ANK2: variants seen among roughly 807,000 people sequenced by gnomAD.
The protein encoded by ANK2 is ankyrin 2, also known as ankyrin-2.
Under a neutral mutation model 360.5 loss-of-function variants are expected in ANK2, and 83 were observed. That is an observed-to-expected ratio of 0.23 (90% CI 0.19 to 0.28). ANK2 has a LOEUF of 0.28. ANK2 is among the 10% of genes least tolerant of loss of function. ANK2 has a pLI of 1.00. For missense variants in ANK2, 4,201 were observed against 4,795.7 expected, an observed-to-expected ratio of 0.88 and a Z score of 3.66; for synonymous variants, 1,740 against 1,759.5, an observed-to-expected ratio of 0.99 and a Z score of 0.28.
intron 2 of ANK2, among the ~76,000 whole-genome samples, chr4:112,925,035 T>C (rs2092342606): frequency 6.6e-6 from 1 of 152,056 alleles, no homozygotes; most frequent in South Asian, 2.1e-4. Flanking sequence ...AGACGAGGTT[T>C]CATCGTGTTA....
the ANK2 span, among the ~76,000 whole-genome samples, chr4:112,777,774 C>T: frequency 1.3e-5 from 2 of 151,430 alleles, no homozygotes; most frequent in Non-Finnish European, 2.9e-5. Context: ...TGTGTCACCA[C>T]ACCCGGCTAA....
At chr4:112,914,712 T>C (rs893908113) in intron 2 of ANK2, among the ~76,000 whole-genome samples, 2 of 152,318 alleles carry the variant, frequency 1.3e-5, no homozygotes, top group East Asian at 3.9e-4. Flanking sequence ...ACCCAGCCCA[T>C]GTGGCTTCAT....
chr4:112,755,687 AT>A, the ANK2 span: 1 of 171,370 alleles, frequency 5.8e-6, no homozygotes, highest in African/African-American at 2.4e-5. Context: ...TCTTTTGTGG[AT>A]CTTCAGTTGC....
intron 2 of ANK2, among the ~76,000 whole-genome samples, chr4:113,189,316 G>A (rs919641978): frequency 6.6e-6 from 1 of 152,142 alleles, no homozygotes; most frequent in Admixed American, 6.5e-5. Flanking sequence ...TTCCCACAGA[G>A]TCCAGCATGC....
At position 112,867,317 on chromosome 4, in the gene ANK2, A is replaced by T. The variant is rs2070985799; in HGVS notation, c.-39-37138A>T. Among the ~76,000 whole-genome samples the T allele has an allele frequency of 2.0e-5, 3 of 152,036 alleles. No individual in the cohort carries two copies. In the South Asian group the frequency reaches 6.2e-4, roughly 32 times the overall value. ...TTCTCTGGTAGCATTTTTCTGGTGA[A>T]TACTCTTCACTTGTCATTTATGCCT... is the stretch of plus-strand genomic sequence containing the variant. On this transcript the variant is annotated intron_variant, in intron 1 of 30. Coordinates refer to the ANK2 transcript ENST00000503271.
At chr4:113,363,493 T>C (rs1460697710) in intron 40 of ANK2, 24 bp downstream of exon 40, 1 of 1,612,702 alleles carries the variant, frequency 6.2e-7, no homozygotes, top group Admixed American at 1.7e-5. Flanking sequence ...TATATGCATA[T>C]TGGGCTAAAG....
chr4:112,784,490 C>T, the ANK2 span, among the ~76,000 whole-genome samples: 37 of 151,888 alleles, frequency 2.4e-4, no homozygotes, highest in South Asian at 1.3e-3. Flanking sequence ...CCTACCGGCG[C>T]CTGCCACCAC....
At chr4:113,266,019 A>G (rs932672475) in intron 14 of ANK2, among the ~76,000 whole-genome samples, 1 of 152,210 alleles carries the variant, frequency 6.6e-6, no homozygotes, top group African/African-American at 2.4e-5. Flanking sequence ...CAGGTTTGTT[A>G]CATAGGTATA....
intron 1 of ANK2, among the ~76,000 whole-genome samples, chr4:112,857,041 A>G (rs1481196437): frequency 6.8e-6 from 1 of 146,526 alleles, no homozygotes; most frequent in Non-Finnish European, 1.5e-5. Flanking sequence ...ATTTGATCAG[A>G]TATCAAGAGT....
At chr4:113,117,085 T>C in intron 1 of ANK2, 1 of 356,608 alleles carries the variant, frequency 2.8e-6, no homozygotes, top group South Asian at 2.2e-5. Context: ...CCTTAGTTCA[T>C]TGTAGTGAGT....
intron 1 of ANK2, chr4:112,827,031 C>A: frequency 7.3e-7 from 1 of 1,376,708 alleles, no homozygotes; most frequent in Non-Finnish European, 1.0e-6. Flanking sequence ...TGGTAAAAAG[C>A]ATGACATTAC....
At chr4:112,760,498 A>T in the ANK2 span, among the ~76,000 whole-genome samples, 1 of 148,908 alleles carries the variant, frequency 6.7e-6, no homozygotes, top group African/African-American at 2.5e-5. Context: ...CAAATTCCAT[A>T]TTCTTTTTTT....
rs1307534305 is a variant in ANK2 at position 112,963,648 on chromosome 4, A to C, written c.21+59134A>C. ...TTTTTCAGTCTTGATGGGTGCTTCT[A>C]TAAAATGGGAATAATAAAGCATTTG... is the stretch of plus-strand genomic sequence containing the variant. On this transcript the variant is annotated intron_variant, in intron 2 of 30. Transcript: ENST00000503271. 2.6e-5 allele frequency among the ~76,000 whole-genome samples: 4 copies of C among 152,120 alleles called. No homozygotes were observed. The South Asian group carries it at 8.3e-4, about 31-fold the overall frequency.
the ANK2 span, among the ~76,000 whole-genome samples, chr4:112,711,498 G>A: frequency 2.0e-5 from 3 of 152,068 alleles, no homozygotes; most frequent in Non-Finnish European, 2.9e-5. Flanking sequence ...ACTCCAGCCT[G>A]CATGACAGTG....
chr4:112,886,335 A>G (rs912215801), intron 1 of ANK2, among the ~76,000 whole-genome samples: 5 of 152,026 alleles, frequency 3.3e-5, no homozygotes, highest in African/African-American at 9.7e-5. Context: ...AAAAGGCCGC[A>G]CTCCAGAGTA....
chr4:112,948,049 A>G (rs2094665372), intron 2 of ANK2, among the ~76,000 whole-genome samples: 1 of 152,186 alleles, frequency 6.6e-6, no homozygotes, highest in Admixed American at 6.5e-5. Context: ...TTCCTAATGT[A>G]TACATGCAAA....
the ANK2 span, among the ~76,000 whole-genome samples, chr4:112,762,481 G>A: frequency 2.6e-5 from 4 of 152,152 alleles, no homozygotes; most frequent in Admixed American, 2.6e-4. Flanking sequence ...ATCAAAAAAA[G>A]TAAAGGCATG....
At chr4:112,914,465 A>G (rs1365237145) in intron 2 of ANK2, among the ~76,000 whole-genome samples, 1 of 152,164 alleles carries the variant, frequency 6.6e-6, no homozygotes, top group Non-Finnish European at 1.5e-5. Flanking sequence ...TATTAAAAAT[A>G]CAAAAAAATT....
rs2095988409 is a variant in ANK2, at chr4:113,358,710, A to G, written c.10092A>G (p.Leu3364=). Residue 3364 remains leucine (L), a synonymous_variant, in exon 38 of 46, where the codon CTA becomes CTG. Transcript: ENST00000357077. ...LQRVEQQLSD[L]DTSVQKTVAP... The stretch of plus-strand genomic sequence containing the variant: ...GAGTTGAACAGCAGCTCTCAGATCT[A>G]GACACCTCTGTCCAGAAGACAGTGG... 3.1e-6 allele frequency: 5 copies of G among 1,613,976 alleles called. No homozygotes were observed. The highest frequency in any genetic ancestry group is 1.3e-5 in the African/African-American group (1 of 74,912).
Sources: gnomAD v4.1 joint callset for allele counts (sites outside exome capture counted in the v4.1 genomes callset) on GRCh38, gnomAD v4.1.1 for gene constraint, MANE v1.5 for transcripts, NCBI Gene and HGNC (gene_info 2026-07-23, HGNC 2026-07-21) for gene names.